PRKN: variants seen among roughly 807,000 people sequenced by gnomAD.
PRKN encodes the protein E3 ubiquitin-protein ligase parkin.
In PRKN, 56 loss-of-function variants were observed where a neutral mutation model predicts 59.5. That is an observed-to-expected ratio of 0.94 (90% confidence interval 0.76 to 1.18). The LOEUF (loss-of-function observed/expected upper bound fraction) is 1.18, where lower values mean the gene tolerates loss of function less well. Ranked by LOEUF, PRKN falls within the 50% of genes most tolerant of loss-of-function variation. The pLI is 0.00. For missense variants in PRKN, 657 were observed against 596.4 expected, an observed-to-expected ratio of 1.10 and a Z score of -1.06; for synonymous variants, 250 against 222.1, an observed-to-expected ratio of 1.13 and a Z score of -1.12.
At chr6:162,102,353 T>A (rs990952973) in intron 4 of PRKN, among the ~76,000 whole-genome samples, 1 of 152,228 alleles carries the variant, frequency 6.6e-6, no homozygotes, top group Non-Finnish European at 1.5e-5. Flanking sequence ...TTAGGTGCCA[T>A]GTCTCTTTTG....
intron 1 of PRKN, among the ~76,000 whole-genome samples, chr6:162,612,172 G>A (rs566114864): frequency 8.4e-5 from 10 of 119,458 alleles, no homozygotes; most frequent in Non-Finnish European, 1.7e-4. Flanking sequence ...CAGCCTCGGA[G>A]ACAGAGTGAG....
At chr6:162,252,122 GCATAAAGAGGGAAGGAAA>G (rs1219425264) in intron 3 of PRKN, among the ~76,000 whole-genome samples, 2 of 152,166 alleles carry the variant, frequency 1.3e-5, no homozygotes, top group East Asian at 3.8e-4. Flanking sequence ...AAGCAAGTGT[GCATAAAGAGGGAAGGAAA>G]CATGCTGACT....
At chr6:161,640,299 T>C (rs2315547) in intron 7 of PRKN, among the ~76,000 whole-genome samples, 100,113 of 152,040 alleles carry the variant, frequency 0.66, 34,331 homozygotes, top group African/African-American at 0.85. Context: ...TCTTAAAAAC[T>C]TGCTTTTCAT....
chr6:161,662,116 A>G (rs1326096694), intron 7 of PRKN, among the ~76,000 whole-genome samples: 1 of 152,228 alleles, frequency 6.6e-6, no homozygotes, highest in Admixed American at 6.5e-5. Flanking sequence ...TGAGCTGCAC[A>G]GAGGGAAAGT....
chr6:161,752,522 C>T (rs149240650), intron 7 of PRKN, among the ~76,000 whole-genome samples: 5 of 152,018 alleles, frequency 3.3e-5, no homozygotes, highest in East Asian at 3.9e-4. Flanking sequence ...GGGGAAACCC[C>T]GTCTGCATAA....
At chr6:161,828,501 C>T (rs771344048) in intron 6 of PRKN, among the ~76,000 whole-genome samples, 4 of 152,190 alleles carry the variant, frequency 2.6e-5, no homozygotes, top group East Asian at 1.9e-4. Context: ...CCCGACCTCA[C>T]GCCACTGTGC....
At chr6:161,919,653 A>G (rs1778705655) in intron 6 of PRKN, among the ~76,000 whole-genome samples, 1 of 152,226 alleles carries the variant, frequency 6.6e-6, no homozygotes, top group Non-Finnish European at 1.5e-5. Context: ...TGGAAATACA[A>G]ATAGGTTCAC....
At chr6:161,871,984 A>G (rs1228622966) in intron 6 of PRKN, among the ~76,000 whole-genome samples, 1 of 152,214 alleles carries the variant, frequency 6.6e-6, no homozygotes. Context: ...CCTATAAAAT[A>G]GGTATCTGAA....
At chr6:162,119,466 G>A (rs1780814252) in intron 4 of PRKN, among the ~76,000 whole-genome samples, 1 of 152,112 alleles carries the variant, frequency 6.6e-6, no homozygotes, top group Admixed American at 6.6e-5. Context: ...AAAATGTTTT[G>A]CCAGCTGGAT....
intron 1 of PRKN, among the ~76,000 whole-genome samples, chr6:162,548,115 A>G (rs1208250912): frequency 6.6e-6 from 1 of 152,028 alleles, no homozygotes; most frequent in Non-Finnish European, 1.5e-5. Flanking sequence ...GCTCGTGTGC[A>G]GTGGCGCAAT....
intron 2 of PRKN, among the ~76,000 whole-genome samples, chr6:162,429,238 T>C (rs769176088): frequency 4.6e-5 from 7 of 152,164 alleles, no homozygotes; most frequent in Non-Finnish European, 8.8e-5. Flanking sequence ...GTTTCTTCTA[T>C]CCTTCTGCCC....
chr6:162,489,648 G>A (rs376158178), intron 1 of PRKN, among the ~76,000 whole-genome samples: 1 of 152,088 alleles, frequency 6.6e-6, no homozygotes, highest in Non-Finnish European at 1.5e-5. Context: ...AAGTATGTTG[G>A]GGGCAGCAAT....
intron 2 of PRKN, among the ~76,000 whole-genome samples, chr6:162,386,921 T>A (rs1786854242): frequency 6.6e-6 from 1 of 152,168 alleles, no homozygotes; most frequent in African/African-American, 2.4e-5. Flanking sequence ...TAAGGTAACA[T>A]TGCATTCAAT....
intron 6 of PRKN, among the ~76,000 whole-genome samples, chr6:161,938,859 G>C (rs971852397): frequency 5.3e-5 from 8 of 152,084 alleles, no homozygotes; most frequent in Non-Finnish European, 1.2e-4. Flanking sequence ...TGTCAGATAC[G>C]TTTCAGCATT....
intron 2 of PRKN, among the ~76,000 whole-genome samples, chr6:162,436,047 A>C (rs528176431): frequency 3.3e-5 from 5 of 151,690 alleles, no homozygotes; most frequent in African/African-American, 1.2e-4. Flanking sequence ...GTGGTGGTAC[A>C]TGCCTGAAAT....
chr6:161,527,926 A>G lies in PRKN; in HGVS notation c.1083+20928T>C, dbSNP rs1233324947. Among the ~76,000 whole-genome samples the G allele has an allele frequency of 6.6e-6, 1 of 152,180 alleles. No homozygotes were observed. The highest frequency in any genetic ancestry group is 6.5e-5 in the Admixed American group (1 of 15,278). On this transcript the variant is annotated intron_variant, in intron 9 of 11. Coordinates refer to ENST00000366898, the MANE Select transcript of PRKN (RefSeq NM_004562.3). This position sits in a 1 kb window ranked among gnomAD's most constrained non-coding sequence, Gnocchi z 4.6. ...GCCACAGGCATTACTGCCTCCTTTA[A>G]CACAGCACTGCTTTTAAACATTTCT...
chr6:161,642,312 TTTAAC>T (rs1265788212), intron 7 of PRKN, among the ~76,000 whole-genome samples: 2 of 152,228 alleles, frequency 1.3e-5, no homozygotes, highest in African/African-American at 4.8e-5. Context: ...AAAGTGTACC[TTTAAC>T]TTGAGTTAAT....
Position 161,347,860 on chromosome 6 carries a change from C to A in PRKN, c.*2239G>T, listed in dbSNP as rs1784395525. ...CTTGAACTCCTGACCTCGTGATCCACCCACCTCGGCCTCCCAAAGTGCTGG... is the reference window on the plus strand; with the variant it reads ...CTTGAACTCCTGACCTCGTGATCCAACCACCTCGGCCTCCCAAAGTGCTGG... On this transcript the variant is annotated 3_prime_UTR_variant, in exon 12 of 12. Transcript: ENST00000366898. The A allele has an allele frequency of 2.0e-5, 3 of 153,816 alleles. No homozygotes were observed. The highest frequency in any genetic ancestry group is 7.2e-5 in the African/African-American group (3 of 41,412). The allele number at this position is 153,816 out of a possible 1,614,324, so 9.5% of individuals were successfully genotyped here. A position where few individuals can be genotyped will look rare whatever the true frequency, so the allele number is the denominator to read the frequency against.
intron 2 of PRKN, among the ~76,000 whole-genome samples, chr6:162,297,180 T>TTC (rs1781719852): frequency 6.6e-6 from 1 of 151,538 alleles, no homozygotes; most frequent in Admixed American, 6.6e-5. Flanking sequence ...TTTTCTTTTT[T>TTC]TTTTTTTTTG....
Sources: gnomAD v4.1 joint callset for allele counts (sites outside exome capture counted in the v4.1 genomes callset) on GRCh38, gnomAD v4.1.1 for gene constraint, Gnocchi (gnomAD v3.1) non-coding constraint, MANE v1.5 for transcripts, NCBI Gene and HGNC (gene_info 2026-07-23, HGNC 2026-07-21) for gene names.